CSRNP3: variants seen among roughly 807,000 people sequenced by gnomAD.
CSRNP3 encodes the protein cysteine/serine-rich nuclear protein 3.
CSRNP3 carries 12 observed loss-of-function variants against 48.0 expected under a neutral mutation model. That is an observed-to-expected ratio of 0.25 (90% CI 0.16 to 0.41). The LOEUF (loss-of-function observed/expected upper bound fraction) is 0.41. Ranked by LOEUF, CSRNP3 falls within the 10% of genes least tolerant of loss-of-function variation. The pLI, the probability that CSRNP3 is intolerant of heterozygous loss-of-function variation, is 1.00. For synonymous variants in CSRNP3, 263 were observed against 269.7 expected (o/e 0.98, Z 0.24); for missense variants, 580 against 724.4 (o/e 0.80, Z 2.29).
chr2:165,520,134 G>A (rs938814728), intron 3 of CSRNP3, among the ~76,000 whole-genome samples: 5 of 152,110 alleles, frequency 3.3e-5, no homozygotes, highest in Admixed American at 2.6e-4. Context: ...TAATATTAAA[G>A]GACATAGGTC....
rs1334804817 is a variant in CSRNP3 at position 165,686,594 on chromosome 2, G to A, written c.*6841G>A. On this transcript the variant is annotated 3_prime_UTR_variant, in exon 7 of 7. Coordinates refer to ENST00000651982, the MANE Select transcript of CSRNP3 (RefSeq NM_001172173.2). ...CCTAGGAACTTGTTGCCTGGTGGTG[G>A]TTGTTGTTGTTGTTGTTTTTTAATT... The A allele has an allele frequency of 1.3e-5, 2 of 151,742 alleles. No homozygotes were observed. The highest frequency in any genetic ancestry group is 2.9e-5 in the Non-Finnish European group (2 of 67,884). The allele number at this position is 151,742 out of a possible 1,614,324, so 9.4% of individuals were successfully genotyped here. A position where few individuals can be genotyped will look rare whatever the true frequency, so the allele number is the denominator to read the frequency against.
intron 4 of CSRNP3, among the ~76,000 whole-genome samples, chr2:165,621,947 G>T (rs996723244): frequency 2.0e-5 from 3 of 152,228 alleles, no homozygotes; most frequent in South Asian, 2.1e-4. Context: ...ACCACTTAGA[G>T]AATTTTCTTC....
At chr2:165,606,615 A>T (rs34199609) in intron 4 of CSRNP3, among the ~76,000 whole-genome samples, 2 of 152,002 alleles carry the variant, frequency 1.3e-5, no homozygotes, top group East Asian at 3.9e-4. Flanking sequence ...CAGGTGATTG[A>T]ATTACTAAGG....
chr2:165,657,990 G>A lies in CSRNP3; in HGVS notation c.378G>A (p.Arg126=), dbSNP rs947608891. ...LHREMLREHL[R]EEKLNSLKLK... is the part of the protein sequence containing the mutation. ...GGGAGATGTTGAGAGAACACCTTAG[G>A]GAGGAAAAGCTGAACTCCTTAAAAC... Residue 126 remains arginine, a synonymous_variant, in exon 5 of 7, where the codon AGG becomes AGA. Transcript: ENST00000651982. 1.9e-6 allele frequency: 3 copies of A among 1,613,532 alleles called. No individual in the cohort carries two copies. The African/African-American group carries it at 4.0e-5, about 22-fold the overall frequency.
intron 3 of CSRNP3, among the ~76,000 whole-genome samples, chr2:165,585,702 T>G (rs1458622597): frequency 6.6e-6 from 1 of 152,176 alleles, no homozygotes; most frequent in Admixed American, 6.5e-5. Flanking sequence ...ATTTTGCACT[T>G]TCACAAATCA....
chr2:165,639,374 C>T (rs1686689087), intron 4 of CSRNP3, among the ~76,000 whole-genome samples: 1 of 152,108 alleles, frequency 6.6e-6, no homozygotes, highest in Non-Finnish European at 1.5e-5. Flanking sequence ...TCTGCGAGGT[C>T]TGTGAATGTG....
At chr2:165,513,346 C>T (rs1294608426) in intron 2 of CSRNP3, among the ~76,000 whole-genome samples, 1 of 152,194 alleles carries the variant, frequency 6.6e-6, no homozygotes, top group Non-Finnish European at 1.5e-5. Context: ...AATTACTCCA[C>T]TTGTGTTCAT....
chr2:165,573,327 T>C (rs781730963), intron 3 of CSRNP3, among the ~76,000 whole-genome samples: 73 of 152,200 alleles, frequency 4.8e-4, no homozygotes, highest in Non-Finnish European at 9.6e-4. Context: ...TTCATTGGCT[T>C]ACCATTTAGA....
In CSRNP3 at chr2:165,680,109, A is replaced by G. The variant is rs563517686; in HGVS notation, c.*356A>G. 1.0e-5 allele frequency: 2 copies of G among 192,076 alleles called. No homozygotes were observed. Among genetic ancestry groups the G allele is most frequent in the African/African-American group, 4.6e-5 (2 of 43,144 alleles). 11.9% of individuals were successfully genotyped at this position (192,076 alleles called of 1,614,324 possible). On this transcript the variant is annotated 3_prime_UTR_variant, in exon 7 of 7. Transcript: ENST00000651982. ...TGCAAGATTGTTAACTAAGGCTGGG[A>G]AATAATAAGATTTAGAGTCCTAATT...
intron 4 of CSRNP3, among the ~76,000 whole-genome samples, chr2:165,655,936 C>T (rs1686997601): frequency 6.6e-6 from 1 of 152,116 alleles, no homozygotes; most frequent in South Asian, 2.1e-4. Context: ...CTGTAAAGTC[C>T]CTATTTCCAA....
At chr2:165,509,617 A>C (rs1684475017) in intron 2 of CSRNP3, among the ~76,000 whole-genome samples, 1 of 152,204 alleles carries the variant, frequency 6.6e-6, no homozygotes, top group Non-Finnish European at 1.5e-5. Context: ...TTTATTTTCA[A>C]ATAATGTTAG....
intron 4 of CSRNP3, among the ~76,000 whole-genome samples, chr2:165,600,692 G>A (rs531730968): frequency 4.6e-5 from 7 of 152,298 alleles, no homozygotes; most frequent in African/African-American, 1.4e-4. Context: ...CAGTGATGGT[G>A]AGCATTTTTT....
At chr2:165,634,106 A>G (rs1355044428) in intron 4 of CSRNP3, among the ~76,000 whole-genome samples, 1 of 152,218 alleles carries the variant, frequency 6.6e-6, no homozygotes, top group Non-Finnish European at 1.5e-5. Context: ...TGGGAGGCCA[A>G]GGCAGGCGGA....
At chr2:165,509,394 T>C (rs1684469732) in intron 2 of CSRNP3, among the ~76,000 whole-genome samples, 1 of 152,102 alleles carries the variant, frequency 6.6e-6, no homozygotes, top group Non-Finnish European at 1.5e-5. Context: ...GCTTGACACT[T>C]GTGTGAAGAC....
chr2:165,674,792 G>A (rs1687396271), intron 5 of CSRNP3, among the ~76,000 whole-genome samples: 1 of 149,724 alleles, frequency 6.7e-6, no homozygotes, highest in East Asian at 2.0e-4. Flanking sequence ...GCTCACTGCA[G>A]CCTGACCTCC....
chr2:165,675,490 A>T (rs1687408767), intron 5 of CSRNP3, among the ~76,000 whole-genome samples: 1 of 152,208 alleles, frequency 6.6e-6, no homozygotes, highest in Admixed American at 6.5e-5. Flanking sequence ...GAAATGAAGT[A>T]CTTATTCAGG....
intron 4 of CSRNP3, among the ~76,000 whole-genome samples, chr2:165,606,065 C>T (rs1306554635): frequency 1.3e-5 from 2 of 151,724 alleles, no homozygotes; most frequent in African/African-American, 2.4e-5. Context: ...ATCCCTACCT[C>T]ATGCCATATA....
At chr2:165,641,581 T>C (rs1686722530) in intron 4 of CSRNP3, among the ~76,000 whole-genome samples, 1 of 152,150 alleles carries the variant, frequency 6.6e-6, no homozygotes, top group Non-Finnish European at 1.5e-5. Context: ...TTTTTCCAAC[T>C]CTAAAGACCA....
At chr2:165,473,017 C>T (rs1414926657) in intron 1 of CSRNP3, among the ~76,000 whole-genome samples, 1 of 152,054 alleles carries the variant, frequency 6.6e-6, no homozygotes, top group African/African-American at 2.4e-5. Context: ...AAAAAGCAAG[C>T]TAACAACAAA....
Sources: allele counts gnomAD v4.1 joint callset (sites outside exome capture counted in the v4.1 genomes callset), GRCh38; gene constraint gnomAD v4.1.1; transcripts MANE v1.5; gene names NCBI Gene and HGNC (gene_info 2026-07-23, HGNC 2026-07-21).